The following ACTR3B variants were observed in gnomAD, a reference collection of about 807,000 sequenced individuals.
ACTR3B encodes actin-related protein 3B.
A neutral mutation model predicts 59.0 loss-of-function variants in ACTR3B; 8 were observed. The observed-to-expected ratio is 0.14, with a 90% CI of 0.08 to 0.24. The LOEUF (loss-of-function observed/expected upper bound fraction) is 0.24, where lower values mean the gene tolerates loss of function less well. Among genes scored for constraint, ACTR3B ranks in the 10% least tolerant of loss-of-function variants. The pLI is 1.00. For missense variants in ACTR3B, 245 were observed against 552.3 expected, an observed-to-expected ratio of 0.44 and a Z score of 5.58; for synonymous variants, 148 against 197.9, an observed-to-expected ratio of 0.75 and a Z score of 2.12.
At chr7:152,764,806 C>T (rs530617119) in intron 1 of ACTR3B, among the ~76,000 whole-genome samples, 1 of 152,296 alleles carries the variant, frequency 6.6e-6, no homozygotes, top group African/African-American at 2.4e-5. Context: ...TGTGCATTCT[C>T]ACCAGTAATG....
intron 1 of ACTR3B, among the ~76,000 whole-genome samples, chr7:152,778,960 A>G (rs1467274923): frequency 9.2e-5 from 4 of 43,382 alleles, no homozygotes; most frequent in Non-Finnish European, 1.9e-4. Flanking sequence ...AAAAAAAAAA[A>G]AAAAAAAAAA....
chr7:152,772,106 C>T (rs2098125466), intron 1 of ACTR3B, among the ~76,000 whole-genome samples: 2 of 152,034 alleles, frequency 1.3e-5, no homozygotes, highest in Admixed American at 1.3e-4. Context: ...TAAAAGAATA[C>T]TACACATATT....
At chr7:152,789,008 C>T (rs2116657910) in intron 2 of ACTR3B, among the ~76,000 whole-genome samples, 1 of 151,336 alleles carries the variant, frequency 6.6e-6, no homozygotes, top group East Asian at 2.0e-4. Context: ...GGCAGCAGAA[C>T]CAGACGCTGT....
Position 152,824,643 on chromosome 7 carries a change from T to C in ACTR3B, c.859-387T>C, listed in dbSNP as rs1307415584. On this transcript the variant is annotated intron_variant, in intron 8 of 11. Coordinates refer to ENST00000256001, the MANE Select transcript of ACTR3B (RefSeq NM_020445.6). The surrounding 1 kb of genome is among the most constrained non-coding windows in gnomAD (Gnocchi z 4.2). ...AACCTATTTCTTTTTCCTTATATAC[T>C]AATTTTCTCATAATACGAATATTGT... Among the ~76,000 whole-genome samples the C allele has an allele frequency of 2.6e-5, 4 of 152,256 alleles. No individual in the cohort carries two copies. Among genetic ancestry groups the C allele is most frequent in the Non-Finnish European group, 5.9e-5 (4 of 68,046 alleles).
chr7:152,763,022 A>T (rs1055382850), intron 1 of ACTR3B, among the ~76,000 whole-genome samples: 1 of 152,118 alleles, frequency 6.6e-6, no homozygotes, highest in African/African-American at 2.4e-5. Flanking sequence ...CTTTGTAATT[A>T]ATAAGTCATT....
At chr7:152,777,801 A>C (rs2098139933) in intron 1 of ACTR3B, among the ~76,000 whole-genome samples, 1 of 152,070 alleles carries the variant, frequency 6.6e-6, no homozygotes, top group African/African-American at 2.4e-5. Flanking sequence ...AAATACAAAA[A>C]TTAGCCGGGC....
chr7:152,772,243 G>C (rs1484353896), intron 1 of ACTR3B, among the ~76,000 whole-genome samples: 1 of 151,216 alleles, frequency 6.6e-6, no homozygotes, highest in Non-Finnish European at 1.5e-5. Flanking sequence ...GGGGGACTGG[G>C]CACAGTGGCT....
intron 7 of ACTR3B, among the ~76,000 whole-genome samples, chr7:152,821,523 C>G (rs559494427): frequency 2.2e-4 from 33 of 152,284 alleles, no homozygotes; most frequent in African/African-American, 7.7e-4. Context: ...AGGGTCCACT[C>G]CAGTGAGTCT....
rs906852666 is a variant in ACTR3B at position 152,855,246 on chromosome 7, T to C, written c.*693T>C. On this transcript the variant is annotated 3_prime_UTR_variant, in exon 12 of 12. Coordinates refer to ENST00000256001, the MANE Select transcript of ACTR3B (RefSeq NM_020445.6). ...GTATGAGAATTACTACAGATACATG[T>C]ATCTTTTAGTTTTTTTTGTTTGAAC... 58 of 152,554 alleles carry C rather than the reference T, an allele frequency of 3.8e-4. No individual in the cohort carries two copies. The highest frequency in any genetic ancestry group is 3.8e-3 in the Admixed American group (58 of 15,288). 9.5% of individuals were successfully genotyped at this position (152,554 alleles called of 1,614,324 possible).
intron 1 of ACTR3B, among the ~76,000 whole-genome samples, chr7:152,766,206 C>A (rs1481642207): frequency 8.5e-5 from 13 of 152,140 alleles, no homozygotes; most frequent in Admixed American, 7.9e-4. Flanking sequence ...CTAGAGGAAA[C>A]CGGGGCAAGC....
chr7:152,809,630 C>T (rs1370119145), intron 4 of ACTR3B, among the ~76,000 whole-genome samples: 1 of 152,006 alleles, frequency 6.6e-6, no homozygotes, highest in Non-Finnish European at 1.5e-5. Flanking sequence ...CAACCTCCGC[C>T]TCCCGGGTTC....
chr7:152,772,396 G>C (rs533229076), intron 1 of ACTR3B, among the ~76,000 whole-genome samples: 1 of 151,940 alleles, frequency 6.6e-6, no homozygotes, highest in Non-Finnish European at 1.5e-5. Context: ...GTGGTGATGC[G>C]TGCCTGTGGT....
intron 2 of ACTR3B, among the ~76,000 whole-genome samples, chr7:152,789,924 G>A (rs1157295320): frequency 6.6e-6 from 1 of 150,980 alleles, no homozygotes; most frequent in Non-Finnish European, 1.5e-5. Flanking sequence ...ATGAATGACA[G>A]TGAGTATTGA....
chr7:152,781,893 T>C lies in ACTR3B; in HGVS notation c.45-1294T>C, dbSNP rs1283823577. Among the ~76,000 whole-genome samples the C allele has an allele frequency of 2.0e-5, 3 of 151,998 alleles. No homozygotes were observed. The East Asian group carries it at 5.8e-4, about 29-fold the overall frequency. On this transcript the variant is annotated intron_variant, in intron 1 of 11. Coordinates refer to ENST00000256001, the MANE Select transcript of ACTR3B (RefSeq NM_020445.6). Reference sequence around the variant, plus strand: ...CTTGAGTTGTGGAGCTGGAGAGGGCTTCACCTGGGTCTTGCCTCCAGAAGC... The same window carrying C: ...CTTGAGTTGTGGAGCTGGAGAGGGCCTCACCTGGGTCTTGCCTCCAGAAGC...
At chr7:152,768,364 G>A (rs1287026532) in intron 1 of ACTR3B, among the ~76,000 whole-genome samples, 2 of 152,218 alleles carry the variant, frequency 1.3e-5, no homozygotes, top group African/African-American at 4.8e-5. Context: ...AAATCAGAGT[G>A]GAGTTAGTGG....
chr7:152,846,927 G>A (rs571339294), intron 9 of ACTR3B, among the ~76,000 whole-genome samples: 2 of 148,180 alleles, frequency 1.3e-5, no homozygotes, highest in South Asian at 2.2e-4. Flanking sequence ...TCTAGTGCCC[G>A]GGCTGTAGTC....
At position 152,816,538 on chromosome 7, in the gene ACTR3B, A is replaced by G; in HGVS notation, c.490A>G (p.Thr164Ala). ...TCGACAAGTGGGTGAACGTACGTTA[A>G]CGGGGATAGTCATTGACAGCGGAGA... ...TSRQVGERTL[T>A]GIVIDSGDGV... The change falls in exon 6 of 12, where the codon ACG (threonine) becomes GCG (alanine). Residue 164 changes from threonine to alanine, a missense_variant. Thr to Ala is a moderately conservative substitution (Grantham distance 58). Transcript: ENST00000256001. 1 of 1,607,758 alleles carries G rather than the reference A, an allele frequency of 6.2e-7. No individual in the cohort carries two copies. The highest frequency in any genetic ancestry group is 8.5e-7 in the Non-Finnish European group (1 of 1,176,792).
At chr7:152,851,405 C>T (rs1408162734) in intron 9 of ACTR3B, among the ~76,000 whole-genome samples, 1 of 152,180 alleles carries the variant, frequency 6.6e-6, no homozygotes, top group Non-Finnish European at 1.5e-5. Context: ...AGAAGAGGAC[C>T]AGCTGCTCGG....
intron 4 of ACTR3B, among the ~76,000 whole-genome samples, chr7:152,808,936 T>A (rs973846683): frequency 6.6e-6 from 1 of 152,194 alleles, no homozygotes; most frequent in Non-Finnish European, 1.5e-5. Context: ...AGGAGGTAGC[T>A]TAAGAGAGAG....
Sources: allele counts gnomAD v4.1 joint callset (sites outside exome capture counted in the v4.1 genomes callset), GRCh38; gene constraint gnomAD v4.1.1; non-coding constraint Gnocchi (gnomAD v3.1); transcripts MANE v1.5; gene names NCBI Gene and HGNC (gene_info 2026-07-23, HGNC 2026-07-21).